CPLANE1: variants seen among roughly 807,000 people sequenced by gnomAD.
CPLANE1 encodes ciliogenesis and planar polarity effector 1.
A neutral mutation model predicts 362.5 loss-of-function variants in CPLANE1; 263 were observed. The ratio of observed to expected loss-of-function variants is 0.73; its 90% confidence interval spans 0.66 to 0.80. The LOEUF is 0.80. Ranked by LOEUF, CPLANE1 falls within the 30% of genes least tolerant of loss-of-function variation. CPLANE1 has a pLI of 0.00. For synonymous variants in CPLANE1, 1,212 were observed against 1,302.6 expected (o/e 0.93, Z 1.50); for missense variants, 3,461 against 3,793.4 (o/e 0.91, Z 2.30).
At chr5:37,119,673 A>AAAAAATT (rs563370727) in intron 50 of CPLANE1, among the ~76,000 whole-genome samples, 208 of 150,084 alleles carry the variant, frequency 1.4e-3, no homozygotes, top group South Asian at 3.6e-3. Flanking sequence ...CTCCGTCTCA[A>AAAAAATT]AAAAATTAAA....
At chr5:37,226,018 CG>C (rs1796404309) in intron 12 of CPLANE1, among the ~76,000 whole-genome samples, 1 of 151,782 alleles carries the variant, frequency 6.6e-6, no homozygotes, top group South Asian at 2.1e-4. Context: ...ACATTTATCA[CG>C]TATAACATGA....
Position 37,107,420 on chromosome 5 carries a change from G to C in CPLANE1, c.*182C>G. 1 of 1,277,706 alleles carries C rather than the reference G, an allele frequency of 7.8e-7. No homozygotes were observed. Among genetic ancestry groups the C allele is most frequent in the Non-Finnish European group, 9.9e-7 (1 of 1,006,978 alleles). The allele number at this position is 1,277,706 out of a possible 1,614,324, so 79.1% of individuals were successfully genotyped here. A position where few individuals can be genotyped will look rare whatever the true frequency, so the allele number is the denominator to read the frequency against. ...AATAGTCAACCCTTTCCCCATAAAGGCAAAGTTACTGAGAAATGTTTATTT... is the reference window on the plus strand; with the variant it reads ...AATAGTCAACCCTTTCCCCATAAAGCCAAAGTTACTGAGAAATGTTTATTT... On this transcript the variant is annotated 3_prime_UTR_variant, in exon 53 of 53. Transcript: ENST00000651892.
rs1796460226 is a variant in CPLANE1, at chr5:37,226,284, A to G, written c.2291+20T>C. 6.9e-7 allele frequency: 1 copy of G among 1,441,392 alleles called. No homozygotes were observed. The highest frequency in any genetic ancestry group is 1.4e-5 in the African/African-American group (1 of 69,588). 89.3% of individuals were successfully genotyped at this position (1,441,392 alleles called of 1,614,324 possible). A position where few individuals can be genotyped will look rare whatever the true frequency, so the allele number is the denominator to read the frequency against. Reference sequence around the variant, plus strand: ...AAAACTAAGCTAATAGTATCCCAGTATTAAAATAAGTGATTATACCTGTGT... The same window carrying G: ...AAAACTAAGCTAATAGTATCCCAGTGTTAAAATAAGTGATTATACCTGTGT... On this transcript the variant is annotated intron_variant, in intron 12 of 52. Coordinates refer to ENST00000651892, the MANE Select transcript of CPLANE1 (RefSeq NM_001384732.1).
At position 37,203,583 on chromosome 5, in the gene CPLANE1, G is replaced by C. The variant is rs549661607; in HGVS notation, c.3289+1732C>G. Among the ~76,000 whole-genome samples the C allele has an allele frequency of 1.2e-4, 18 of 152,184 alleles. 1 individual carries two copies. In the South Asian group the frequency reaches 3.5e-3, roughly 30 times the overall value. On this transcript the variant is annotated intron_variant, in intron 18 of 52. Coordinates refer to ENST00000651892, the MANE Select transcript of CPLANE1 (RefSeq NM_001384732.1). ...GGCTGGAGTGCAGTGGCACAATCAT[G>C]GCTCACTGCAGACTTGACCTCCTAG...
In CPLANE1 at chr5:37,150,857, G is replaced by A. The variant is rs1447349329; in HGVS notation, c.8374-2589C>T. On this transcript the variant is annotated intron_variant, in intron 42 of 52. Coordinates refer to ENST00000651892, the MANE Select transcript of CPLANE1 (RefSeq NM_001384732.1). ...GACCTACTTAAAATCAGAATTTCAG[G>A]GAAATGGGGCCCAGGAATTTGCATT... Among the ~76,000 whole-genome samples, 3 of 152,182 alleles carry A rather than the reference G, an allele frequency of 2.0e-5. No homozygotes were observed. The East Asian group carries it at 5.8e-4, about 29-fold the overall frequency.
At chr5:37,169,666 C>T (rs1779204417) in intron 33 of CPLANE1, 105 bp from the exon 34 acceptor site, 1 of 846,214 alleles carries the variant, frequency 1.2e-6, no homozygotes, top group Non-Finnish European at 1.8e-6. Flanking sequence ...GTAGTAACTG[C>T]TAAAAAAAAA....
chr5:37,094,268 A>G, the CPLANE1 span, among the ~76,000 whole-genome samples: 1 of 152,236 alleles, frequency 6.6e-6, no homozygotes. Context: ...AGGCCCCCAC[A>G]GAAATCAACT....
Position 37,139,335 on chromosome 5 carries a change from T to C in CPLANE1, c.8663+5A>G, listed in dbSNP as rs376655170. On this transcript the variant is annotated splice_donor_5th_base_variant and intron_variant, in intron 45 of 52. Transcript: ENST00000651892. ...AAATTGTGAATTAACTCTTAAGATA[T>C]TTACCTCTCACACAATTCATCACTG... is the stretch of plus-strand genomic sequence containing the variant. The C allele has an allele frequency of 7.6e-7, 1 of 1,314,254 alleles. No individual in the cohort carries two copies. The highest frequency in any genetic ancestry group is 1.0e-6 in the Non-Finnish European group (1 of 957,100). 81.4% of individuals were successfully genotyped at this position (1,314,254 alleles called of 1,614,324 possible).
intron 26 of CPLANE1, among the ~76,000 whole-genome samples, chr5:37,181,522 A>AG (rs950637920): frequency 1.3e-5 from 2 of 151,724 alleles, no homozygotes; most frequent in African/African-American, 4.9e-5. Context: ...ACCAATCTCA[A>AG]GGGAAAAAAA....
At chr5:37,133,545 G>A (rs1766625595) in intron 46 of CPLANE1, among the ~76,000 whole-genome samples, 1 of 151,750 alleles carries the variant, frequency 6.6e-6, no homozygotes, top group Non-Finnish European at 1.5e-5. Flanking sequence ...TGTTGTAAAT[G>A]GGACTGCATT....
chr5:37,198,667 A>G, intron 20 of CPLANE1, 35 bp downstream of exon 20: 2 of 1,578,142 alleles, frequency 1.3e-6, no homozygotes, highest in Non-Finnish European at 1.7e-6. Flanking sequence ...AATTTCAGTT[A>G]ACACAGCATG....
At position 37,180,107 on chromosome 5, in the gene CPLANE1, T is replaced by C. The variant is rs1782249370; in HGVS notation, c.5647A>G (p.Lys1883Glu). ...TCATCAATATCTATAAATTCTTTTT[T>C]AGTATTATGAGTGATGGAAATAATA... Reference protein sequence around the residue: ...DDIISITHNTKKEFIDIDENL... With the variant: ...DDIISITHNTEKEFIDIDENL... Residue 1883 changes from lysine (K) to glutamate (E), a missense_variant, in exon 28 of 53, where the codon AAA becomes GAA. Coordinates refer to ENST00000651892, the MANE Select transcript of CPLANE1 (RefSeq NM_001384732.1). The C allele has an allele frequency of 1.9e-6, 3 of 1,565,386 alleles. No individual in the cohort carries two copies. Among genetic ancestry groups the C allele is most frequent in the South Asian group, 2.4e-5 (2 of 84,256 alleles).
At chr5:37,199,971 T>C (rs1788665841) in intron 19 of CPLANE1, among the ~76,000 whole-genome samples, 1 of 152,204 alleles carries the variant, frequency 6.6e-6, no homozygotes, top group South Asian at 2.1e-4. Flanking sequence ...CTTCTCTTTG[T>C]CTCAATCACT....
chr5:37,184,756 G>A (rs752139029), intron 25 of CPLANE1, 32 bp downstream of exon 25: 4 of 1,568,406 alleles, frequency 2.6e-6, no homozygotes, highest in Non-Finnish European at 3.5e-6. Context: ...CAAAGGAAGT[G>A]AATGCCAGTG....
intron 18 of CPLANE1, among the ~76,000 whole-genome samples, chr5:37,203,343 A>G (rs1445969075): frequency 1.3e-5 from 2 of 152,164 alleles, no homozygotes; most frequent in Admixed American, 6.5e-5. Flanking sequence ...TCTGTGATTC[A>G]TCTATGTTGT....
chr5:37,182,918 T>G lies in CPLANE1; in HGVS notation c.5263A>C (p.Asn1755His), dbSNP rs142400753. 1.9e-5 allele frequency: 30 copies of G among 1,605,948 alleles called. No individual in the cohort carries two copies. Among genetic ancestry groups the G allele is most frequent in the Non-Finnish European group, 2.5e-5 (30 of 1,176,992 alleles). ...RLLEWMIRWS[N>H]RRLLCDSGIT... ...CCAGAATCACAGAGTAGCCTTCTAT[T>G]AGACCACCTTATCATCCATTCCAGC... Residue 1755 changes from asparagine (N) to histidine (H), a missense_variant, in exon 26 of 53, where the codon AAT becomes CAT. Asn to His is a moderately conservative substitution (Grantham distance 68). Coordinates refer to ENST00000651892, the MANE Select transcript of CPLANE1 (RefSeq NM_001384732.1).
intron 44 of CPLANE1, chr5:37,141,297 C>T (rs1454237603): frequency 1.0e-6 from 1 of 985,246 alleles, no homozygotes; most frequent in Non-Finnish European, 1.2e-6. Context: ...TTAGAACCCT[C>T]TACCATCTAG....
At chr5:37,189,143 T>A (rs1260979883) in intron 21 of CPLANE1, among the ~76,000 whole-genome samples, 1 of 152,252 alleles carries the variant, frequency 6.6e-6, no homozygotes, top group African/African-American at 2.4e-5. Flanking sequence ...ATGCCTTAAT[T>A]TTTTAAATAA....
the CPLANE1 span, among the ~76,000 whole-genome samples, chr5:37,091,167 G>T: frequency 7.9e-5 from 12 of 152,124 alleles, no homozygotes; most frequent in African/African-American, 2.4e-4. Flanking sequence ...AACCCTAGAG[G>T]ATTAGAACCT....
Sources: allele counts gnomAD v4.1 joint callset (sites outside exome capture counted in the v4.1 genomes callset), GRCh38; gene constraint gnomAD v4.1.1; transcripts MANE v1.5; gene names NCBI Gene and HGNC (gene_info 2026-07-23, HGNC 2026-07-21).